The following IQCM variants were observed in gnomAD, a reference collection of about 807,000 sequenced individuals.
IQCM encodes IQ domain-containing protein M.
Under a neutral mutation model 57.6 loss-of-function variants are expected in IQCM, and 45 were observed. That is an observed-to-expected ratio of 0.78 (90% CI 0.62 to 1.00). The LOEUF (loss-of-function observed/expected upper bound fraction) is 1.00, where lower values mean the gene tolerates loss of function less well. IQCM is among the 50% of genes least tolerant of loss of function. IQCM has a pLI of 0.00. For synonymous variants in IQCM, 148 were observed against 158.9 expected (o/e 0.93, Z 0.51); for missense variants, 468 against 511.6 (o/e 0.91, Z 0.82).
At chr4:149,671,918 C>T (rs1167728758) in intron 7 of IQCM, among the ~76,000 whole-genome samples, 3 of 152,116 alleles carry the variant, frequency 2.0e-5, no homozygotes, top group Non-Finnish European at 4.4e-5. Context: ...CTCTCTGAGA[C>T]GAAGCTTCCA....
intron 8 of IQCM, among the ~76,000 whole-genome samples, chr4:149,595,279 C>A (rs1753657298): frequency 6.6e-6 from 1 of 151,906 alleles, no homozygotes; most frequent in South Asian, 2.1e-4. Context: ...GATTGCAACC[C>A]CTGCTTTTTT....
intron 5 of IQCM, among the ~76,000 whole-genome samples, chr4:149,705,270 TAGGGCTCTGGAGAGCCCTAATAC>T (rs1764072229): frequency 6.7e-6 from 1 of 148,628 alleles, no homozygotes; most frequent in South Asian, 2.1e-4. Flanking sequence ...ATATAAAAAT[TAGGGCTCTGGAGAGCCCTAATAC>T]AATAGGCATA....
chr4:149,554,368 A>T (rs1323359033), intron 10 of IQCM, among the ~76,000 whole-genome samples: 1 of 151,076 alleles, frequency 6.6e-6, no homozygotes, highest in Admixed American at 6.6e-5. Flanking sequence ...CTTGAGACGG[A>T]GTCTCGGTCT....
At chr4:149,449,889 G>T (rs971440596) in intron 12 of IQCM, among the ~76,000 whole-genome samples, 1 of 151,468 alleles carries the variant, frequency 6.6e-6, no homozygotes, top group Non-Finnish European at 1.5e-5. Flanking sequence ...AAAAAAGACC[G>T]AGAGTAGCCA....
At chr4:149,487,379 TAC>T (rs1237727050) in intron 12 of IQCM, among the ~76,000 whole-genome samples, 1 of 152,290 alleles carries the variant, frequency 6.6e-6, no homozygotes, top group East Asian at 1.9e-4. Context: ...TGTTGCAAAC[TAC>T]ACTGCCTGGG....
intron 7 of IQCM, among the ~76,000 whole-genome samples, chr4:149,672,033 A>T (rs2150180605): frequency 6.6e-6 from 1 of 152,028 alleles, no homozygotes; most frequent in South Asian, 2.1e-4. Context: ...CCTCCAGCAA[A>T]CTCCAACAGA....
intron 10 of IQCM, among the ~76,000 whole-genome samples, chr4:149,559,418 A>G (rs992055059): frequency 6.6e-6 from 1 of 152,080 alleles, no homozygotes; most frequent in Admixed American, 6.5e-5. Flanking sequence ...TTAAATGTAA[A>G]TAGCTCACCT....
At chr4:149,694,907 T>G (rs1763228090) in intron 5 of IQCM, among the ~76,000 whole-genome samples, 1 of 152,200 alleles carries the variant, frequency 6.6e-6, no homozygotes, top group South Asian at 2.1e-4. Flanking sequence ...CATAAAATGG[T>G]TTTCTCACCT....
intron 13 of IQCM, among the ~76,000 whole-genome samples, chr4:149,378,651 GT>G (rs1207225467): frequency 2.6e-5 from 4 of 152,130 alleles, no homozygotes; most frequent in African/African-American, 9.7e-5. Context: ...CTTGGGTGCT[GT>G]TAAAGGCATT....
Position 149,433,509 on chromosome 4 carries a change from T to A in IQCM, c.1277A>T (p.Glu426Val), listed in dbSNP as rs1311176794. The change falls in exon 13 of 14, where the codon GAA (glutamate) becomes GTA (valine). Residue 426 changes from glutamate to valine, a missense_variant. Glu to Val is a moderately radical substitution (Grantham distance 121). Transcript: ENST00000636793. ...SELIKKSKAI[E>V]MLFTLYPPEG... is the part of the protein sequence containing the mutation. Reference sequence around the variant, plus strand: ...AGGAGGATAGAGTGTAAATAACATTTCAATTGCTTTGGACTTTTTGATTAG... The same window carrying A: ...AGGAGGATAGAGTGTAAATAACATTACAATTGCTTTGGACTTTTTGATTAG... The A allele has an allele frequency of 3.3e-6, 4 of 1,201,396 alleles. No individual in the cohort carries two copies. The African/African-American group carries it at 6.3e-5, about 19-fold the overall frequency. The allele number at this position is 1,201,396 out of a possible 1,614,324, so 74.4% of individuals were successfully genotyped here. A position where few individuals can be genotyped will look rare whatever the true frequency, so the allele number is the denominator to read the frequency against.
intron 5 of IQCM, among the ~76,000 whole-genome samples, chr4:149,699,010 T>A (rs775840409): frequency 6.6e-6 from 1 of 152,172 alleles, no homozygotes; most frequent in East Asian, 1.9e-4. Flanking sequence ...TTGATGATTA[T>A]AAAGATATGA....
chr4:149,603,601 T>C (rs1754507155), intron 8 of IQCM, among the ~76,000 whole-genome samples: 5 of 151,932 alleles, frequency 3.3e-5, no homozygotes, highest in Admixed American at 3.3e-4. Context: ...TTGCCTGTGG[T>C]AGAAAAAGTG....
At position 149,796,671 on chromosome 4, in the gene IQCM, G is replaced by C. The variant is rs978168276; in HGVS notation, c.-49+18640C>G. ...AGTCATAGTGGTGGTGGCCACAGGGGTTCTTGAGTCACTCCACCTCCAGCT... is the reference window on the plus strand; with the variant it reads ...AGTCATAGTGGTGGTGGCCACAGGGCTTCTTGAGTCACTCCACCTCCAGCT... On this transcript the variant is annotated intron_variant, in intron 2 of 13. Coordinates refer to ENST00000636793, the MANE Select transcript of IQCM (RefSeq NM_001363507.2). 1.3e-4 allele frequency among the ~76,000 whole-genome samples: 20 copies of C among 152,228 alleles called. 1 individual carries two copies. In the Middle Eastern group the frequency reaches 0.017, roughly 129 times the overall value.
chr4:149,553,742 A>T (rs1372288941), intron 10 of IQCM, among the ~76,000 whole-genome samples: 2 of 151,974 alleles, frequency 1.3e-5, no homozygotes, highest in Non-Finnish European at 2.9e-5. Context: ...TGGGCTTTTT[A>T]AGGTTTTTTT....
chr4:149,472,149 G>C (rs1417236517), intron 12 of IQCM, among the ~76,000 whole-genome samples: 1 of 152,106 alleles, frequency 6.6e-6, no homozygotes, highest in African/African-American at 2.4e-5. Flanking sequence ...AGAAATAAAG[G>C]GTATTCAATT....
chr4:149,385,113 G>T (rs1480738329), intron 13 of IQCM, among the ~76,000 whole-genome samples: 1 of 152,072 alleles, frequency 6.6e-6, no homozygotes, highest in African/African-American at 2.4e-5. Context: ...ATACTGGAGA[G>T]TGCCTACTGT....
intron 2 of IQCM, among the ~76,000 whole-genome samples, chr4:149,811,937 G>C (rs1207477387): frequency 1.3e-5 from 2 of 152,162 alleles, no homozygotes; most frequent in Non-Finnish European, 2.9e-5. Flanking sequence ...AAAAAGTAAA[G>C]AGAAATATAT....
intron 13 of IQCM, among the ~76,000 whole-genome samples, chr4:149,417,617 A>G (rs537994475): frequency 6.6e-6 from 1 of 152,226 alleles, no homozygotes; most frequent in East Asian, 1.9e-4. Context: ...CAGGTGCATC[A>G]CAGATTGGTA....
At chr4:149,802,809 T>G (rs955564238) in intron 2 of IQCM, among the ~76,000 whole-genome samples, 1 of 152,018 alleles carries the variant, frequency 6.6e-6, no homozygotes, top group African/African-American at 2.4e-5. Context: ...TAAAAGTTCT[T>G]TATTGTGGAG....
Sources: allele counts gnomAD v4.1 joint callset (sites outside exome capture counted in the v4.1 genomes callset), GRCh38; gene constraint gnomAD v4.1.1; transcripts MANE v1.5; gene names NCBI Gene and HGNC (gene_info 2026-07-23, HGNC 2026-07-21).